Variants in RALGPS2 observed in about 807,000 individuals in gnomAD.
RALGPS2 encodes the protein ras-specific guanine nucleotide-releasing factor RalGPS2.
Under a neutral mutation model 86.8 loss-of-function variants are expected in RALGPS2, and 43 were observed. The observed-to-expected ratio is 0.50, with a 90% confidence interval of 0.39 to 0.64. The LOEUF (loss-of-function observed/expected upper bound fraction) is 0.64, where lower values mean the gene tolerates loss of function less well. Among genes scored for constraint, RALGPS2 ranks in the 30% least tolerant of loss-of-function variants. The pLI is 0.00. For synonymous variants in RALGPS2, 243 were observed against 231.3 expected (o/e 1.05, Z -0.46); for missense variants, 536 against 694.6 (o/e 0.77, Z 2.57).
intron 4 of RALGPS2, among the ~76,000 whole-genome samples, chr1:178,800,805 C>T (rs1431443178): frequency 6.6e-6 from 1 of 152,034 alleles, no homozygotes; most frequent in Middle Eastern, 3.2e-3. Flanking sequence ...ATATGGTTGA[C>T]TTAATTTCCC....
In RALGPS2 at chr1:178,886,613, G is replaced by A. The variant is rs1052308655; in HGVS notation, c.1192+493G>A. On this transcript the variant is annotated intron_variant, in intron 13 of 19. Coordinates refer to ENST00000367635, the MANE Select transcript of RALGPS2 (RefSeq NM_152663.5). ...TGTGAATCTGGAGCTCGGGGATAAG[G>A]TCAGATCTGAAGATATACGAGAGGT... Among the ~76,000 whole-genome samples the A allele has an allele frequency of 6.6e-5, 10 of 152,250 alleles. 1 individual carries two copies. The South Asian group carries it at 1.0e-3, about 16-fold the overall frequency.
intron 8 of RALGPS2, chr1:178,869,242 G>C (rs1038580681): frequency 6.6e-6 from 1 of 152,028 alleles, no homozygotes; most frequent in Admixed American, 6.6e-5. Flanking sequence ...GAGAAGAAAC[G>C]AAAGTCAGGA....
intron 4 of RALGPS2, among the ~76,000 whole-genome samples, chr1:178,791,287 ATTT>A (rs563179993): frequency 7.8e-6 from 1 of 128,282 alleles, no homozygotes; most frequent in Non-Finnish European, 1.7e-5. Flanking sequence ...CACCTGCCTA[ATTT>A]TTTTTTTTTT....
chr1:178,835,165 A>C (rs916113673), intron 8 of RALGPS2, among the ~76,000 whole-genome samples: 1 of 152,216 alleles, frequency 6.6e-6, no homozygotes, highest in African/African-American at 2.4e-5. Context: ...TTTTTCAAAA[A>C]TAATACCTTC....
chr1:178,906,391 A>G (rs1284117240), intron 18 of RALGPS2, among the ~76,000 whole-genome samples: 1 of 151,962 alleles, frequency 6.6e-6, no homozygotes. Context: ...AAAAAAATCT[A>G]ATATTTAGAT....
chr1:178,741,874 A>G (rs990054947), intron 1 of RALGPS2, among the ~76,000 whole-genome samples: 2 of 152,222 alleles, frequency 1.3e-5, no homozygotes, highest in Non-Finnish European at 2.9e-5. Flanking sequence ...ATGGTGGCTC[A>G]CGCCTGTAAT....
At chr1:178,844,812 A>C (rs1656787274) in intron 8 of RALGPS2, among the ~76,000 whole-genome samples, 1 of 152,182 alleles carries the variant, frequency 6.6e-6, no homozygotes, top group South Asian at 2.1e-4. Context: ...AAACATCATA[A>C]ATATTCTTTA....
Position 178,878,981 on chromosome 1 carries a change from C to T in RALGPS2, c.825C>T (p.Asp275=), listed in dbSNP as rs1402580349. The T allele has an allele frequency of 5.0e-6, 8 of 1,612,218 alleles. No individual in the cohort carries two copies. Among genetic ancestry groups the T allele is most frequent in the East Asian group, 4.5e-5 (2 of 44,692 alleles). The part of the protein sequence containing the change: ...YIEELQKFVE[D]DNYKLSLKIE... ...AAGAACTACAAAAATTTGTGGAAGA[C>T]GATAATTACAAGTAGGTTGGATCTT... The change falls in exon 10 of 20, where the codon GAC becomes GAT. Residue 275 remains aspartate, a synonymous_variant. Transcript: ENST00000367635.
In RALGPS2 at chr1:178,885,986, A is replaced by G; in HGVS notation, c.1058A>G (p.Asn353Ser). 1.3e-6 allele frequency: 2 copies of G among 1,596,964 alleles called. No individual in the cohort carries two copies. The highest frequency in any genetic ancestry group is 1.7e-6 in the Non-Finnish European group (2 of 1,174,418). The stretch of plus-strand genomic sequence containing the variant: ...GTTTCTAGTTTCATTCATAAAATGA[A>G]CACAGCAGAATTTAAGAGTGCAACG... ...SLGYNFIHKMNTAEFKSATFP... is the reference protein window; with the variant it reads ...SLGYNFIHKMSTAEFKSATFP... The change falls in exon 13 of 20, where the codon AAC (asparagine) becomes AGC (serine). Residue 353 changes from asparagine (N) to serine (S), a missense_variant. Coordinates refer to ENST00000367635, the MANE Select transcript of RALGPS2 (RefSeq NM_152663.5).
chr1:178,907,566 G>A (rs1660440280), intron 19 of RALGPS2, among the ~76,000 whole-genome samples: 1 of 152,178 alleles, frequency 6.6e-6, no homozygotes, highest in Non-Finnish European at 1.5e-5. Flanking sequence ...CCCAAACCCT[G>A]TTGCACAGTT....
chr1:178,806,472 T>C (rs1654749610), intron 4 of RALGPS2, among the ~76,000 whole-genome samples: 2 of 152,184 alleles, frequency 1.3e-5, no homozygotes, highest in South Asian at 4.1e-4. Flanking sequence ...AAATTACTGT[T>C]ATTCAGATGT....
At chr1:178,779,642 A>G (rs1290022583) in intron 2 of RALGPS2, among the ~76,000 whole-genome samples, 82 of 152,230 alleles carry the variant, frequency 5.4e-4, no homozygotes, top group Non-Finnish European at 1.0e-4. Context: ...CTCCACAACC[A>G]TAAAGAAAAT....
chr1:178,799,036 T>C (rs562285449), intron 4 of RALGPS2, among the ~76,000 whole-genome samples: 1 of 152,204 alleles, frequency 6.6e-6, no homozygotes, highest in African/African-American at 2.4e-5. Context: ...CTTGAACAAG[T>C]TGCTGTTGTT....
chr1:178,755,071 A>G (rs1651882048), intron 1 of RALGPS2, among the ~76,000 whole-genome samples: 1 of 152,222 alleles, frequency 6.6e-6, no homozygotes, highest in Non-Finnish European at 1.5e-5. Flanking sequence ...AAGTGCTGAG[A>G]TTACAGGCAT....
At chr1:178,832,375 C>G (rs150496165) in intron 7 of RALGPS2, among the ~76,000 whole-genome samples, 391 of 152,244 alleles carry the variant, frequency 2.6e-3, no homozygotes, top group African/African-American at 9.0e-3. Context: ...ACTTATAATA[C>G]TAGAAAGAGT....
At chr1:178,748,319 CAAAA>C (rs756185730) in intron 1 of RALGPS2, among the ~76,000 whole-genome samples, 10 of 78,080 alleles carry the variant, frequency 1.3e-4, no homozygotes, top group Non-Finnish European at 1.4e-4. Flanking sequence ...GACTCCGTCT[CAAAA>C]AAAAAAAAAA....
chr1:178,882,861 T>G (rs1157756513), intron 10 of RALGPS2, among the ~76,000 whole-genome samples: 1 of 152,252 alleles, frequency 6.6e-6, no homozygotes, highest in African/African-American at 2.4e-5. Context: ...TATAGATCTT[T>G]CTGCTGAAGA....
rs556823737 is a variant in RALGPS2 at position 178,792,900 on chromosome 1, C to T, written c.213+7293C>T. Among the ~76,000 whole-genome samples the T allele has an allele frequency of 1.8e-4, 28 of 152,278 alleles. No individual in the cohort carries two copies. The East Asian group carries it at 4.4e-3, about 24-fold the overall frequency. ...TTCAACCACTATTAATATACCCTTG[C>T]AACTCTTACTTTCACACAGTTGCTC... On this transcript the variant is annotated intron_variant, in intron 4 of 19. Coordinates refer to ENST00000367635, the MANE Select transcript of RALGPS2 (RefSeq NM_152663.5).
intron 18 of RALGPS2, among the ~76,000 whole-genome samples, chr1:178,902,621 G>A (rs1660224429): frequency 6.6e-6 from 1 of 151,986 alleles, no homozygotes; most frequent in South Asian, 2.1e-4. Context: ...CCTTGAAATG[G>A]ATTGTTATTC....
Sources: gnomAD v4.1 joint callset for allele counts (sites outside exome capture counted in the v4.1 genomes callset) on GRCh38, gnomAD v4.1.1 for gene constraint, MANE v1.5 for transcripts, NCBI Gene and HGNC (gene_info 2026-07-23, HGNC 2026-07-21) for gene names.